The following NALCN variants were observed in gnomAD, a reference collection of about 807,000 sequenced individuals.
The protein encoded by NALCN is sodium leak channel NALCN.
A neutral mutation model predicts 225.3 loss-of-function variants in NALCN; 111 were observed. The ratio of observed to expected loss-of-function variants is 0.49; its 90% confidence interval spans 0.42 to 0.58. NALCN has a LOEUF of 0.58. Ranked by LOEUF, NALCN falls within the 20% of genes least tolerant of loss-of-function variation. The probability of loss-of-function intolerance (pLI) is 0.00; values close to 1 mark genes in which losing one functional copy is unlikely to be tolerated. For missense variants in NALCN, 1,378 were observed against 2,202.4 expected, an observed-to-expected ratio of 0.63 and a Z score of 7.49; for synonymous variants, 764 against 769.0, an observed-to-expected ratio of 0.99 and a Z score of 0.11.
intron 7 of NALCN, among the ~76,000 whole-genome samples, chr13:101,321,738 T>A (rs1200714007): frequency 6.6e-6 from 1 of 152,118 alleles, no homozygotes; most frequent in South Asian, 2.1e-4. Flanking sequence ...ATATAAATAA[T>A]ATGTAAACAA....
intron 14 of NALCN, among the ~76,000 whole-genome samples, chr13:101,188,144 C>A (rs1430011697): frequency 6.6e-6 from 1 of 152,130 alleles, no homozygotes; most frequent in East Asian, 1.9e-4. Flanking sequence ...AAATAGCCAT[C>A]AGAAAGGGAA....
chr13:101,415,427 T>C (rs1006276430), intron 1 of NALCN, among the ~76,000 whole-genome samples: 5 of 152,016 alleles, frequency 3.3e-5, no homozygotes, highest in African/African-American at 9.7e-5. Flanking sequence ...TATTCACACA[T>C]CCTTAATAAT....
At chr13:101,391,601 T>C (rs1012346332) in intron 3 of NALCN, among the ~76,000 whole-genome samples, 48 of 152,200 alleles carry the variant, frequency 3.2e-4, no homozygotes, top group African/African-American at 1.1e-3. Context: ...GGAGATCTCT[T>C]GATCCCAAGA....
At position 101,358,048 on chromosome 13, in the gene NALCN, C is replaced by A. The variant is rs187496060; in HGVS notation, c.645-12628G>T. 5.9e-5 allele frequency among the ~76,000 whole-genome samples: 9 copies of A among 152,274 alleles called. No homozygotes were observed. In the East Asian group the frequency reaches 1.3e-3, roughly 23 times the overall value. On this transcript the variant is annotated intron_variant, in intron 6 of 43. Coordinates refer to ENST00000251127, the MANE Select transcript of NALCN (RefSeq NM_052867.4). The stretch of plus-strand genomic sequence containing the variant: ...AAATTAAATCGAGATGGATTAAAGA[C>A]TTAAATGTTAAACCCATAACCATAA...
intron 10 of NALCN, among the ~76,000 whole-genome samples, chr13:101,262,886 C>T (rs1305119187): frequency 6.6e-6 from 1 of 152,120 alleles, no homozygotes; most frequent in Admixed American, 6.5e-5. Context: ...ACTCCAAAGA[C>T]TTGTTATTAA....
At chr13:101,258,386 CT>C in intron 11 of NALCN, 56 bp downstream of exon 11, 1 of 1,605,860 alleles carries the variant, frequency 6.2e-7, no homozygotes, top group Non-Finnish European at 8.5e-7. Context: ...CTAAGAGGCA[CT>C]GTCCGCGGTT....
Position 101,176,106 on chromosome 13 carries a change from A to T in NALCN, c.1839+194T>A, listed in dbSNP as rs189544071. On this transcript the variant is annotated intron_variant, in intron 15 of 43. Coordinates refer to ENST00000251127, the MANE Select transcript of NALCN (RefSeq NM_052867.4). ...AAAATAATAAAACTATTCCTAGGATATTTATAGAGTAATAGAAAGTTTCCC... is the reference window on the plus strand; with the variant it reads ...AAAATAATAAAACTATTCCTAGGATTTTTATAGAGTAATAGAAAGTTTCCC... Among the ~76,000 whole-genome samples, 739 of 152,342 alleles carry T rather than the reference A, an allele frequency of 4.9e-3. 27 individuals carry two copies. The highest frequency in any genetic ancestry group is 0.034 in the Admixed American group (518 of 15,298).
chr13:101,132,931 T>G (rs893463924), intron 17 of NALCN, among the ~76,000 whole-genome samples: 1 of 152,166 alleles, frequency 6.6e-6, no homozygotes, highest in Admixed American at 6.5e-5. Context: ...TTGTTCTACA[T>G]ATGCATAATT....
In NALCN at chr13:101,065,396, C is replaced by T; in HGVS notation, c.4604+8G>A. 1 of 1,613,996 alleles carries T rather than the reference C, an allele frequency of 6.2e-7. No individual in the cohort carries two copies. Among genetic ancestry groups the T allele is most frequent in the Non-Finnish European group, 8.5e-7 (1 of 1,179,902 alleles). The stretch of plus-strand genomic sequence containing the variant: ...CCCCATTCAGCCCTGCGAAAGCCTG[C>T]CTTGTACCTCAGGACATCATGGAAG... On this transcript the variant is annotated splice_region_variant and intron_variant, in intron 40 of 43. Coordinates refer to ENST00000251127, the MANE Select transcript of NALCN (RefSeq NM_052867.4).
rs548681217 is a variant in NALCN at position 101,193,354 on chromosome 13, A to C, written c.1627-1300T>G. 5.9e-5 allele frequency among the ~76,000 whole-genome samples: 9 copies of C among 152,204 alleles called. No homozygotes were observed. The South Asian group carries it at 1.9e-3, about 32-fold the overall frequency. On this transcript the variant is annotated intron_variant, in intron 13 of 43. Coordinates refer to ENST00000251127, the MANE Select transcript of NALCN (RefSeq NM_052867.4). The stretch of plus-strand genomic sequence containing the variant: ...AGCCAAAAGGCTGAGAAGCGACCTA[A>C]CTGTAATTTCCTTCAGTAAGGATAA...
intron 1 of NALCN, among the ~76,000 whole-genome samples, chr13:101,399,683 G>A (rs1023115149): frequency 2.0e-5 from 3 of 152,120 alleles, no homozygotes; most frequent in Admixed American, 6.5e-5. Flanking sequence ...AAAGAATGGG[G>A]GAAGAACCTC....
At chr13:101,115,212 C>CA (rs1238827952) in intron 18 of NALCN, among the ~76,000 whole-genome samples, 1 of 151,844 alleles carries the variant, frequency 6.6e-6, no homozygotes, top group Non-Finnish European at 1.5e-5. Context: ...AATATGATGC[C>CA]ACTCAAGAAT....
intron 7 of NALCN, among the ~76,000 whole-genome samples, chr13:101,331,659 G>A (rs180807728): frequency 1.3e-5 from 2 of 152,030 alleles, no homozygotes; most frequent in African/African-American, 4.8e-5. Context: ...GGAAGAAGCC[G>A]AGCCCCTGCA....
At chr13:101,408,627 C>T (rs2047690296) in intron 1 of NALCN, among the ~76,000 whole-genome samples, 1 of 152,150 alleles carries the variant, frequency 6.6e-6, no homozygotes, top group African/African-American at 2.4e-5. Context: ...AAAGTCAAGA[C>T]CCTGATTTGG....
At chr13:101,181,029 T>C in intron 14 of NALCN, 1 of 506,906 alleles carries the variant, frequency 2.0e-6, no homozygotes, top group Admixed American at 2.0e-5. Context: ...TGTACCATTT[T>C]GAAGCATTTA....
rs1391072438 is a variant in NALCN at position 101,089,376 on chromosome 13, T to C, written c.3489+287A>G. Among the ~76,000 whole-genome samples, 1 of 152,240 alleles carries C rather than the reference T, an allele frequency of 6.6e-6. No individual in the cohort carries two copies. Among genetic ancestry groups the C allele is most frequent in the Admixed American group, 6.5e-5 (1 of 15,292 alleles). ...CATCTATTGTATTTTAATAACTTGC[T>C]GCCCATCTTTCTTTTCAATTTGAAC... On this transcript the variant is annotated intron_variant, in intron 30 of 43. Transcript: ENST00000251127. The surrounding 1 kb of genome is among the most constrained non-coding windows in gnomAD (Gnocchi z 4.7).
At chr13:101,106,158 G>A (rs1030703459) in intron 22 of NALCN, among the ~76,000 whole-genome samples, 7 of 152,160 alleles carry the variant, frequency 4.6e-5, no homozygotes, top group East Asian at 1.9e-4. Flanking sequence ...ACGTGTCTTC[G>A]CAAGGTCTTC....
intron 14 of NALCN, among the ~76,000 whole-genome samples, chr13:101,191,496 G>A (rs1355706705): frequency 6.6e-6 from 1 of 152,050 alleles, no homozygotes; most frequent in African/African-American, 2.4e-5. Context: ...TGCACCCTGA[G>A]GTCTATAGCT....
intron 13 of NALCN, among the ~76,000 whole-genome samples, chr13:101,198,382 A>C (rs1411282657): frequency 6.6e-6 from 1 of 152,204 alleles, no homozygotes; most frequent in Admixed American, 6.5e-5. Context: ...AAATTTTTGC[A>C]ATCTACTCAT....
Sources: allele counts gnomAD v4.1 joint callset (sites outside exome capture counted in the v4.1 genomes callset), GRCh38; gene constraint gnomAD v4.1.1; non-coding constraint Gnocchi (gnomAD v3.1); transcripts MANE v1.5; gene names NCBI Gene and HGNC (gene_info 2026-07-23, HGNC 2026-07-21).